Variants in MRPL15 observed in about 807,000 individuals in gnomAD.
MRPL15 encodes the protein large ribosomal subunit protein uL15m.
In MRPL15, 24 loss-of-function variants were observed where a neutral mutation model predicts 28.0. The observed-to-expected ratio is 0.86, with a 90% CI of 0.62 to 1.21. The LOEUF (loss-of-function observed/expected upper bound fraction) is 1.21. MRPL15 is among the 50% of genes most tolerant of loss of function. MRPL15 has a pLI of 0.00. For missense variants in MRPL15, 343 were observed against 372.4 expected, an observed-to-expected ratio of 0.92 and a Z score of 0.65; for synonymous variants, 124 against 137.0, an observed-to-expected ratio of 0.90 and a Z score of 0.66.
chr8:54,144,597 C>T (rs1425713167), intron 4 of MRPL15, among the ~76,000 whole-genome samples: 2 of 152,070 alleles, frequency 1.3e-5, no homozygotes, highest in Non-Finnish European at 2.9e-5. Flanking sequence ...ATGGTGAAAC[C>T]TCATCTGTAC....
intron 2 of MRPL15, among the ~76,000 whole-genome samples, 171 bp downstream of exon 2, chr8:54,136,836 A>C (rs1276137380): frequency 1.3e-5 from 2 of 152,220 alleles, no homozygotes; most frequent in African/African-American, 4.8e-5. Flanking sequence ...GATTATTAAA[A>C]GGAAAAGAGG....
intron 4 of MRPL15, among the ~76,000 whole-genome samples, chr8:54,143,308 A>T (rs1810964192): frequency 6.6e-6 from 1 of 151,976 alleles, no homozygotes; most frequent in South Asian, 2.1e-4. Context: ...TGAACTCTTG[A>T]CCTCAAATGG....
chr8:54,142,673 C>T lies in MRPL15; in HGVS notation c.440C>T (p.Thr147Ile). ...GVQLVEEGAD[T>I]FTAKVNIEVQ... ...TTTGACATATTTCAGGGTGCTGACA[C>T]CTTTACGGCAAAAGTTAATATTGAA... The change falls in exon 4 of 5, where the codon ACC becomes ATC. Residue 147 changes from threonine (T) to isoleucine (I), a missense_variant. By Grantham distance (89) the Thr-to-Ile change is moderately conservative. Transcript: ENST00000260102. 1 of 1,613,568 alleles carries T rather than the reference C, an allele frequency of 6.2e-7. No homozygotes were observed. Among genetic ancestry groups the T allele is most frequent in the Non-Finnish European group, 8.5e-7 (1 of 1,179,890 alleles).
chr8:54,141,270 C>T (rs774873840), intron 3 of MRPL15, among the ~76,000 whole-genome samples: 7 of 152,114 alleles, frequency 4.6e-5, no homozygotes, highest in South Asian at 2.1e-4. Flanking sequence ...TCTATGAAGT[C>T]GGTATTTCCG....
Position 54,142,627 on chromosome 8 carries a change from A to T in MRPL15, c.430-36A>T, listed in dbSNP as rs767880730. ...GACATAATTAATTTACTTTTAGCCA[A>T]GCTGTTTACCAACAGACTGTTTTGA... On this transcript the variant is annotated intron_variant, in intron 3 of 4. Transcript: ENST00000260102. 2.5e-6 allele frequency: 4 copies of T among 1,599,014 alleles called. No homozygotes were observed. In the African/African-American group the frequency reaches 5.4e-5, roughly 22 times the overall value.
At chr8:54,136,746 G>T (rs1810834404) in intron 2 of MRPL15, 81 bp downstream of exon 2, 1 of 1,488,818 alleles carries the variant, frequency 6.7e-7, no homozygotes, top group Non-Finnish European at 9.0e-7. Flanking sequence ...AGAAATTTTG[G>T]TGGAAATTGT....
At chr8:54,145,503 A>G (rs1223012917) in intron 4 of MRPL15, among the ~76,000 whole-genome samples, 1 of 149,452 alleles carries the variant, frequency 6.7e-6, no homozygotes, top group Non-Finnish European at 1.5e-5. Flanking sequence ...TTTTCTTTTC[A>G]TTTGAGATGG....
At position 54,148,121 on chromosome 8, in the gene MRPL15, C is replaced by G. The variant is rs1428145051; in HGVS notation, c.*402C>G. ...GAGCAGATGGAATGAGTTGGTGACC[C>G]CTCTTAATCTGTAGCCTCAGGGAAA... On this transcript the variant is annotated 3_prime_UTR_variant, in exon 5 of 5. Coordinates refer to ENST00000260102, the MANE Select transcript of MRPL15 (RefSeq NM_014175.4). 6.6e-6 allele frequency among the ~76,000 whole-genome samples: 1 copy of G among 152,138 alleles called. No homozygotes were observed. Among genetic ancestry groups the G allele is most frequent in the East Asian group, 1.9e-4 (1 of 5,184 alleles).
intron 3 of MRPL15, among the ~76,000 whole-genome samples, chr8:54,140,225 C>CA (rs1244756761): frequency 6.6e-6 from 1 of 152,076 alleles, no homozygotes; most frequent in Non-Finnish European, 1.5e-5. Context: ...TTTAACGTTT[C>CA]AGAGTTCAGA....
intron 4 of MRPL15, among the ~76,000 whole-genome samples, chr8:54,145,489 T>A (rs1811027495): frequency 6.6e-6 from 1 of 151,956 alleles, no homozygotes; most frequent in Non-Finnish European, 1.5e-5. Flanking sequence ...CAGAAATTTT[T>A]TTTTTTTCTT....
intron 4 of MRPL15, among the ~76,000 whole-genome samples, chr8:54,144,494 G>T (rs552869626): frequency 6.6e-6 from 1 of 152,194 alleles, no homozygotes; most frequent in Non-Finnish European, 1.5e-5. Flanking sequence ...TCAAAGGCCG[G>T]GCGCAGTGGC....
chr8:54,141,280 G>GTCTATGAAAGTCGGTATTTCCGA (rs1563718208), intron 3 of MRPL15, among the ~76,000 whole-genome samples: 1 of 152,028 alleles, frequency 6.6e-6, no homozygotes, highest in African/African-American at 2.4e-5. Flanking sequence ...CGGTATTTCC[G>GTCTATGAAAGTCGGTATTTCCGA]TCTATGAAAG....
At position 54,135,570 on chromosome 8, in the gene MRPL15, C is replaced by CTTTT. The variant is rs537299219; in HGVS notation, c.108+200_108+203dup. Among the ~76,000 whole-genome samples, 136 of 116,870 alleles carry CTTTT rather than the reference C, an allele frequency of 1.2e-3. 2 individuals are homozygous for CTTTT. The highest frequency in any genetic ancestry group is 1.6e-3 in the Non-Finnish European group (84 of 52,886). 76.7% of individuals were successfully genotyped at this position (116,870 alleles called of 152,430 possible). A position where few individuals can be genotyped will look rare whatever the true frequency, so the allele number is the denominator to read the frequency against. ...GGAATCTTTCCACGTGCACCCAGTT[C>CTTTT]TTTTTTTTTTTTTTTTTTTTTTTTC... On this transcript the variant is annotated intron_variant, in intron 1 of 4. Coordinates refer to ENST00000260102, the MANE Select transcript of MRPL15 (RefSeq NM_014175.4).
At position 54,142,833 on chromosome 8, in the gene MRPL15, G is replaced by A. The variant is rs373147514; in HGVS notation, c.553+47G>A. The A allele has an allele frequency of 6.8e-6, 11 of 1,607,064 alleles. No homozygotes were observed. In the African/African-American group the frequency reaches 1.5e-4, roughly 22 times the overall value. ...TTTCTTCTTTCTCTCTTTGTCTCAT[G>A]TTGGCTACTAATTTTAAATTACTTA... On this transcript the variant is annotated intron_variant, in intron 4 of 4. Coordinates refer to ENST00000260102, the MANE Select transcript of MRPL15 (RefSeq NM_014175.4).
chr8:54,136,565 G>A lies in MRPL15; in HGVS notation c.163G>A (p.Gly55Arg), dbSNP rs1231393824. 1 of 1,614,104 alleles carries A rather than the reference G, an allele frequency of 6.2e-7. No individual in the cohort carries two copies. Among genetic ancestry groups the A allele is most frequent in the African/African-American group, 1.3e-5 (1 of 74,944 alleles). The part of the protein sequence containing the change: ...RGRKCGRGHK[G>R]ERQRGTRPRL... ...TAGAAAATGTGGCAGAGGCCATAAA[G>A]GAGAAAGGCAAAGAGGAACCCGGCC... The change falls in exon 2 of 5, where the codon GGA becomes AGA. Residue 55 changes from glycine (G) to arginine (R), a missense_variant. By Grantham distance (125) the Gly-to-Arg change is moderately radical (BLOSUM62 -2). Transcript: ENST00000260102.
At chr8:54,137,659 T>G (rs1586215611) in intron 3 of MRPL15, among the ~76,000 whole-genome samples, 1 of 152,212 alleles carries the variant, frequency 6.6e-6, no homozygotes, top group East Asian at 1.9e-4. Context: ...AGACAGGGTT[T>G]CACTATGTTG....
Position 54,147,427 on chromosome 8 carries a change from T to G in MRPL15, c.599T>G (p.Ile200Ser). The change falls in exon 5 of 5, where the codon ATT becomes AGT. Residue 200 changes from isoleucine to serine, a missense_variant. Transcript: ENST00000260102. ...CCATTCTTTCTTCGTGGACAACCCA[T>G]TCCAAAAAGAATGCTTCCACCAGAA... ...PVPFFLRGQP[I>S]PKRMLPPEEL... 6.2e-7 allele frequency: 1 copy of G among 1,613,884 alleles called. No homozygotes were observed. Among genetic ancestry groups the G allele is most frequent in the South Asian group, 1.1e-5 (1 of 91,056 alleles).
rs762983311 is a variant in MRPL15 at position 54,147,526 on chromosome 8, G to A, written c.698G>A (p.Arg233Gln). Residue 233 changes from arginine (R) to glutamine (Q), a missense_variant, in exon 5 of 5, where the codon CGA (arginine) becomes CAA (glutamine). Transcript: ENST00000260102. ...GATCCTGCCAAATTTCCTGAAGCAC[G>A]ACTTGAACTCGCCAGGAAGTATGGT... is the stretch of plus-strand genomic sequence containing the variant. ...LADPAKFPEA[R>Q]LELARKYGYI... is the part of the protein sequence containing the mutation. 15 of 1,614,002 alleles carry A rather than the reference G, an allele frequency of 9.3e-6. No individual in the cohort carries two copies. Among genetic ancestry groups the A allele is most frequent in the Middle Eastern group, 3.3e-4 (2 of 6,084 alleles).
chr8:54,136,385 TGACACAATAGTGTTAGCTA>T (rs1810827924), intron 1 of MRPL15, 107 bp from the exon 2 acceptor site: 2 of 1,018,198 alleles, frequency 2.0e-6, no homozygotes, highest in South Asian at 3.5e-5. Flanking sequence ...AGGACATGCT[TGACACAATAGTGTTAGCTA>T]GCACTGGTGG....
Sources: gnomAD v4.1 joint callset for allele counts (sites outside exome capture counted in the v4.1 genomes callset) on GRCh38, gnomAD v4.1.1 for gene constraint, MANE v1.5 for transcripts, NCBI Gene and HGNC (gene_info 2026-07-23, HGNC 2026-07-21) for gene names.